CAMTA1: variants seen among roughly 807,000 people sequenced by gnomAD.
CAMTA1 encodes calmodulin-binding transcription activator 1.
CAMTA1 carries 27 observed loss-of-function variants against 170.9 expected under a neutral mutation model. That is an observed-to-expected ratio of 0.16 (90% CI 0.12 to 0.22). CAMTA1 has a LOEUF of 0.22. CAMTA1 is among the 10% of genes least tolerant of loss of function. CAMTA1 has a pLI of 1.00. For synonymous variants in CAMTA1, 833 were observed against 891.5 expected (o/e 0.93, Z 1.17); for missense variants, 1,619 against 2,217.2 (o/e 0.73, Z 5.42).
In CAMTA1 at chr1:7,576,835, G is replaced by T. The variant is rs544454231; in HGVS notation, c.511-63565G>T. Among the ~76,000 whole-genome samples the T allele has an allele frequency of 2.6e-5, 4 of 152,294 alleles. No individual in the cohort carries two copies. The South Asian group carries it at 8.3e-4, about 32-fold the overall frequency. ...GTCGGATTGTAGGAAAGATTGCCTGGCAGGGGTGTGCAGGATCCACCAGAG... is the reference window on the plus strand; with the variant it reads ...GTCGGATTGTAGGAAAGATTGCCTGTCAGGGGTGTGCAGGATCCACCAGAG... On this transcript the variant is annotated intron_variant, in intron 6 of 22. Transcript: ENST00000303635.
chr1:7,107,371 C>T (rs1211245413), intron 4 of CAMTA1, among the ~76,000 whole-genome samples: 3 of 151,306 alleles, frequency 2.0e-5, no homozygotes, highest in Admixed American at 1.3e-4. Flanking sequence ...CAATTGATTT[C>T]GTTGGGAAAA....
intron 6 of CAMTA1, among the ~76,000 whole-genome samples, chr1:7,552,882 G>A (rs1365714186): frequency 6.6e-6 from 1 of 152,180 alleles, no homozygotes; most frequent in Non-Finnish European, 1.5e-5. Context: ...GGAGCCGCAC[G>A]GAGAGCCTCT....
At chr1:7,733,944 A>G (rs1008066901) in intron 12 of CAMTA1, among the ~76,000 whole-genome samples, 2 of 152,100 alleles carry the variant, frequency 1.3e-5, no homozygotes, top group African/African-American at 4.8e-5. Context: ...TAAGGCTAAG[A>G]TAGGCTTCTT....
chr1:7,524,203 G>T (rs566934733), intron 6 of CAMTA1, among the ~76,000 whole-genome samples: 11 of 152,240 alleles, frequency 7.2e-5, no homozygotes, highest in Admixed American at 4.6e-4. Flanking sequence ...AGGAGACTCT[G>T]TCTCCACACA....
intron 6 of CAMTA1, among the ~76,000 whole-genome samples, chr1:7,629,648 G>A (rs1041367695): frequency 1.6e-4 from 25 of 152,264 alleles, no homozygotes; most frequent in East Asian, 7.7e-4. Context: ...TTTCTGGACC[G>A]GAAAGCCCTT....
In CAMTA1 at chr1:7,296,502, A is replaced by G. The variant is rs141300572; in HGVS notation, c.438+46876A>G. ...GGGAAGAAGTGGGTTGACTGGGAATACATTTTGAAGAGATTGTTGCTAGAA... is the reference window on the plus strand; with the variant it reads ...GGGAAGAAGTGGGTTGACTGGGAATGCATTTTGAAGAGATTGTTGCTAGAA... On this transcript the variant is annotated intron_variant, in intron 5 of 22. Coordinates refer to ENST00000303635, the MANE Select transcript of CAMTA1 (RefSeq NM_015215.4). 4.4e-3 allele frequency among the ~76,000 whole-genome samples: 674 copies of G among 152,328 alleles called. 8 individuals carry two copies. The highest frequency in any genetic ancestry group is 0.024 in the Admixed American group (368 of 15,304).
chr1:7,538,195 C>T (rs538699381), intron 6 of CAMTA1, among the ~76,000 whole-genome samples: 4 of 152,288 alleles, frequency 2.6e-5, no homozygotes, highest in South Asian at 2.1e-4. Flanking sequence ...ACTCCCACCA[C>T]GGCCAATTCT....
At chr1:6,903,489 T>C (rs1012671181) in intron 3 of CAMTA1, among the ~76,000 whole-genome samples, 10 of 152,248 alleles carry the variant, frequency 6.6e-5, no homozygotes, top group African/African-American at 1.4e-4. Flanking sequence ...GGGTCATCAT[T>C]ATGTGCATTT....
At chr1:7,084,092 A>G (rs1389423131) in intron 3 of CAMTA1, among the ~76,000 whole-genome samples, 1 of 152,184 alleles carries the variant, frequency 6.6e-6, no homozygotes, top group African/African-American at 2.4e-5. Flanking sequence ...TCTATGTGCA[A>G]AATATATCTG....
chr1:7,557,934 G>C lies in CAMTA1; in HGVS notation c.511-82466G>C, dbSNP rs370734639. Among the ~76,000 whole-genome samples, 7 of 152,318 alleles carry C rather than the reference G, an allele frequency of 4.6e-5. No homozygotes were observed. In the East Asian group the frequency reaches 1.2e-3, roughly 25 times the overall value. ...TGGACAGCGGGGTGGGGGCAAGTCT[G>C]GTCTGTGCCACCAGCCCCGTGAGCA... is the stretch of plus-strand genomic sequence containing the variant. On this transcript the variant is annotated intron_variant, in intron 6 of 22. Coordinates refer to ENST00000303635, the MANE Select transcript of CAMTA1 (RefSeq NM_015215.4).
At chr1:7,744,657 C>G (rs1271052536) in intron 16 of CAMTA1, among the ~76,000 whole-genome samples, 178 bp from the exon 17 acceptor site, 1 of 152,138 alleles carries the variant, frequency 6.6e-6, no homozygotes, top group African/African-American at 2.4e-5. Flanking sequence ...AGGATCTCAG[C>G]ACATTTTGGT....
At chr1:6,976,682 A>G (rs1458121597) in intron 3 of CAMTA1, among the ~76,000 whole-genome samples, 1 of 152,190 alleles carries the variant, frequency 6.6e-6, no homozygotes, top group Non-Finnish European at 1.5e-5. Context: ...CTCTCCGTGA[A>G]GGATGGATGT....
At chr1:6,826,157 T>C (rs1253069922) in intron 3 of CAMTA1, among the ~76,000 whole-genome samples, 1 of 152,230 alleles carries the variant, frequency 6.6e-6, no homozygotes, top group African/African-American at 2.4e-5. Context: ...AACTACTTCC[T>C]GATTCAGAAT....
At position 7,038,913 on chromosome 1, in the gene CAMTA1, G is replaced by C. The variant is rs756916689; in HGVS notation, c.235-52391G>C. 3.3e-4 allele frequency among the ~76,000 whole-genome samples: 50 copies of C among 152,018 alleles called. 1 individual carries two copies. The highest frequency in any genetic ancestry group is 3.3e-3 in the Admixed American group (50 of 15,244). On this transcript the variant is annotated intron_variant, in intron 3 of 22. Transcript: ENST00000303635. ...AAATTAGCCGGTCATAGTGGCAGGC[G>C]CCTGTAATCCCAGCTACTCAGGAGA...
chr1:7,467,275 C>T (rs1189295535), intron 5 of CAMTA1, among the ~76,000 whole-genome samples: 1 of 152,162 alleles, frequency 6.6e-6, no homozygotes, highest in African/African-American at 2.4e-5. Context: ...GCAAAGTCAA[C>T]AAGCAGGGAT....
intron 4 of CAMTA1, among the ~76,000 whole-genome samples, chr1:7,246,670 C>CTTTTTTTTTTTTTTTTTTT (rs34382670): frequency 1.4e-5 from 1 of 73,930 alleles, no homozygotes; most frequent in African/African-American, 6.0e-5. Context: ...CTCTGACCTG[C>CTTTTTTTTTTTTTTTTTTT]TTTTTTTTTT....
rs145651373 is a variant in CAMTA1, at chr1:7,188,187, C to T, written c.303-61304C>T. Among the ~76,000 whole-genome samples, 6 of 152,288 alleles carry T rather than the reference C, an allele frequency of 3.9e-5. No homozygotes were observed. In the East Asian group the frequency reaches 1.2e-3, roughly 29 times the overall value. On this transcript the variant is annotated intron_variant, in intron 4 of 22. Transcript: ENST00000303635. Reference sequence around the variant, plus strand: ...CTGCCCCCATGATCCAATCACCTCCCACCAGTCTCTCCCACAACACCTGAG... The same window carrying T: ...CTGCCCCCATGATCCAATCACCTCCTACCAGTCTCTCCCACAACACCTGAG...
At chr1:7,036,670 C>G (rs369481290) in intron 3 of CAMTA1, among the ~76,000 whole-genome samples, 35 of 152,316 alleles carry the variant, frequency 2.3e-4, no homozygotes, top group African/African-American at 8.2e-4. Flanking sequence ...GGCTTGTTAT[C>G]TGAAGTTACT....
At chr1:7,303,881 C>G (rs1675174146) in intron 5 of CAMTA1, among the ~76,000 whole-genome samples, 2 of 152,144 alleles carry the variant, frequency 1.3e-5, no homozygotes, top group Non-Finnish European at 2.9e-5. Flanking sequence ...ATTACAACAG[C>G]AAGCGAAAGC....
Sources: allele counts gnomAD v4.1 joint callset (sites outside exome capture counted in the v4.1 genomes callset), GRCh38; gene constraint gnomAD v4.1.1; transcripts MANE v1.5; gene names NCBI Gene and HGNC (gene_info 2026-07-23, HGNC 2026-07-21).